Variants in P2RY6 observed in about 807,000 individuals in gnomAD.
P2RY6 encodes P2Y purinoceptor 6.
In P2RY6, 19 loss-of-function variants were observed where a neutral mutation model predicts 16.3. The ratio of observed to expected loss-of-function variants is 1.16; its 90% CI spans 0.81 to 1.71. The LOEUF (loss-of-function observed/expected upper bound fraction) is 1.71. Among genes scored for constraint, P2RY6 ranks in the 40% most tolerant of loss-of-function variants. P2RY6 has a pLI of 0.00. For synonymous variants in P2RY6, 184 were observed against 201.5 expected, an observed-to-expected ratio of 0.91 and a Z score of 0.74; for missense variants, 389 against 455.5, an observed-to-expected ratio of 0.85 and a Z score of 1.33.
At chr11:73,268,970 G>A (rs1863195459), upstream of P2RY6, among the ~76,000 whole-genome samples, 1 of 152,190 alleles carries the variant, frequency 6.6e-6, no homozygotes, top group African/African-American at 2.4e-5. Flanking sequence ...GAAAACCAAG[G>A]TTCAGGAAGG....
intron 1 of P2RY6, among the ~76,000 whole-genome samples, chr11:73,288,364 C>T (rs1864051712): frequency 6.6e-6 from 1 of 152,236 alleles, no homozygotes; most frequent in Admixed American, 6.5e-5. Context: ...GCTGCAGCTT[C>T]CTCTTCCTTT....
chr11:73,292,697 C>T (rs1036803492), intron 1 of P2RY6: 22 of 603,672 alleles, frequency 3.6e-5, no homozygotes, highest in East Asian at 1.4e-4. Flanking sequence ...GCCCAGTTTC[C>T]GCCAGGCACT....
chr11:73,289,866 T>A (rs1335169564), intron 1 of P2RY6, among the ~76,000 whole-genome samples: 1 of 152,154 alleles, frequency 6.6e-6, no homozygotes, highest in South Asian at 2.1e-4. Flanking sequence ...GAGGGAATAA[T>A]CCACCCCCCA....
At chr11:73,289,678 G>A (rs996084475) in intron 1 of P2RY6, among the ~76,000 whole-genome samples, 2 of 152,206 alleles carry the variant, frequency 1.3e-5, no homozygotes, top group Non-Finnish European at 2.9e-5. Context: ...CTCAATGCAG[G>A]GAAGACCTAA....
upstream of P2RY6, chr11:73,271,449 C>T (rs977154180): frequency 6.6e-6 from 1 of 152,226 alleles, no homozygotes; most frequent in Non-Finnish European, 1.5e-5. Context: ...GGGCTCACAG[C>T]TCTAAGGGGG....
In P2RY6 at chr11:73,297,497, G is replaced by T. The variant is rs564797664; in HGVS notation, c.979G>T (p.Gly327Cys). The T allele has an allele frequency of 3.1e-6, 5 of 1,605,974 alleles. No homozygotes were observed. Among genetic ancestry groups the T allele is most frequent in the Non-Finnish European group, 3.4e-6 (4 of 1,174,174 alleles). The change falls in exon 3 of 3, where the codon GGT (glycine) becomes TGT (cysteine). Residue 327 changes from glycine to cysteine, a missense_variant. Coordinates refer to ENST00000540124, the MANE Select transcript of P2RY6 (RefSeq NM_001277204.2). Reference sequence around the variant, plus strand: ...ACTCACAGCCAAATGGCAGAGGCAGGGTCGCTGAGTCCTCCAGGTCCTGGG... The same window carrying T: ...ACTCACAGCCAAATGGCAGAGGCAGTGTCGCTGAGTCCTCCAGGTCCTGGG... Reference protein sequence around the residue: ...QKLTAKWQRQGR With the variant: ...QKLTAKWQRQCR
Position 73,297,749 on chromosome 11 carries a change from G to A in P2RY6, c.*244G>A. On this transcript the variant is annotated 3_prime_UTR_variant, in exon 3 of 3. Transcript: ENST00000540124. ...TTGAGAGGTCCCAGTCAGCCATGGA[G>A]AGCTGGGGAAACCACATTAAGGTGC... 1.8e-6 allele frequency: 1 copy of A among 560,892 alleles called. No homozygotes were observed. The highest frequency in any genetic ancestry group is 3.3e-6 in the Non-Finnish European group (1 of 306,912). 34.7% of individuals were successfully genotyped at this position (560,892 alleles called of 1,614,324 possible). A position where few individuals can be genotyped will look rare whatever the true frequency, so the allele number is the denominator to read the frequency against.
Position 73,296,687 on chromosome 11 carries a change from G to A in P2RY6, c.169G>A (p.Ala57Thr), listed in dbSNP as rs1864500073. ...TACCCAGATCTGCACGTCCCGCCGG[G>A]CCCTGACCCGCACGGCCGTGTACAC... ...VITQICTSRR[A>T]LTRTAVYTLN... Residue 57 changes from alanine (A) to threonine (T), a missense_variant, in exon 3 of 3, where the codon GCC becomes ACC. Transcript: ENST00000540124. 1.9e-6 allele frequency: 3 copies of A among 1,614,028 alleles called. No individual in the cohort carries two copies. The highest frequency in any genetic ancestry group is 2.2e-5 in the South Asian group (2 of 91,094).
At chr11:73,273,431 T>G (rs535164178) in intron 1 of P2RY6, among the ~76,000 whole-genome samples, 1 of 152,290 alleles carries the variant, frequency 6.6e-6, no homozygotes, top group Non-Finnish European at 1.5e-5. Flanking sequence ...CCCCTGGGTG[T>G]GTACGTGAGA....
At chr11:73,268,739 TCTC>T (rs1863186945), upstream of P2RY6, among the ~76,000 whole-genome samples, 1 of 152,154 alleles carries the variant, frequency 6.6e-6, no homozygotes, top group Admixed American at 6.5e-5. Context: ...AGGGACCACA[TCTC>T]CTCCCACGGA....
Position 73,296,748 on chromosome 11 carries a change from G to A in P2RY6, c.230G>A (p.Cys77Tyr), listed in dbSNP as rs1374960478. ...NLALADLLYACSLPLLIYNYA... is the reference protein window; with the variant it reads ...NLALADLLYAYSLPLLIYNYA... Reference sequence around the variant, plus strand: ...GCTCTGGCTGACCTGCTATATGCCTGCTCCCTGCCCCTGCTCATCTACAAC... The same window carrying A: ...GCTCTGGCTGACCTGCTATATGCCTACTCCCTGCCCCTGCTCATCTACAAC... Residue 77 changes from cysteine (C) to tyrosine (Y), a missense_variant, in exon 3 of 3, where the codon TGC becomes TAC. Cys to Tyr is a radical substitution (Grantham distance 194). Transcript: ENST00000540124. 1.2e-6 allele frequency: 2 copies of A among 1,613,324 alleles called. No homozygotes were observed. Among genetic ancestry groups the A allele is most frequent in the East Asian group, 2.2e-5 (1 of 44,884 alleles).
At chr11:73,274,171 T>A (rs1863434093) in intron 1 of P2RY6, among the ~76,000 whole-genome samples, 1 of 152,152 alleles carries the variant, frequency 6.6e-6, no homozygotes, top group Non-Finnish European at 1.5e-5. Context: ...TGAAGGGAAA[T>A]GGCTCTCCCA....
At chr11:73,285,508 A>G (rs969736502) in intron 1 of P2RY6, among the ~76,000 whole-genome samples, 2 of 152,110 alleles carry the variant, frequency 1.3e-5, no homozygotes, top group Non-Finnish European at 2.9e-5. Context: ...ACACCCACAA[A>G]GTCCTCTTCC....
chr11:73,276,633 A>G (rs1368148907), intron 1 of P2RY6, among the ~76,000 whole-genome samples: 1 of 152,242 alleles, frequency 6.6e-6, no homozygotes, highest in Non-Finnish European at 1.5e-5. Flanking sequence ...GTATGATTCA[A>G]TTTGCATAAA....
At chr11:73,286,487 C>T (rs533550960) in intron 1 of P2RY6, among the ~76,000 whole-genome samples, 1 of 151,776 alleles carries the variant, frequency 6.6e-6, no homozygotes, top group East Asian at 1.9e-4. Flanking sequence ...ACTGGGGGAC[C>T]CAAGCAGTCT....
At position 73,295,737 on chromosome 11, in the gene P2RY6, G is replaced by A. The variant is rs745547886; in HGVS notation, c.-113G>A. 1.0e-5 allele frequency: 10 copies of A among 984,304 alleles called. No homozygotes were observed. Among genetic ancestry groups the A allele is most frequent in the Non-Finnish European group, 1.2e-5 (10 of 828,910 alleles). 61.0% of individuals were successfully genotyped at this position (984,304 alleles called of 1,614,324 possible). Reference sequence around the variant, plus strand: ...CCTTCCCCTATTTTACAGATAACAAGACCTCTGCCAGAAGAACCATGGCTT... The same window carrying A: ...CCTTCCCCTATTTTACAGATAACAAAACCTCTGCCAGAAGAACCATGGCTT... On this transcript the variant is annotated 5_prime_UTR_variant, in exon 2 of 3. Coordinates refer to ENST00000540124, the MANE Select transcript of P2RY6 (RefSeq NM_001277204.2).
At chr11:73,287,900 C>T (rs1016730211) in intron 1 of P2RY6, among the ~76,000 whole-genome samples, 8 of 152,168 alleles carry the variant, frequency 5.3e-5, no homozygotes, top group South Asian at 2.1e-4. Flanking sequence ...CACCACAGGC[C>T]GTCCCTCTGC....
intron 1 of P2RY6, among the ~76,000 whole-genome samples, chr11:73,285,968 G>T (rs1292466096): frequency 6.6e-6 from 1 of 152,184 alleles, no homozygotes; most frequent in Non-Finnish European, 1.5e-5. Context: ...CAGATCTTGG[G>T]GCTTGGTGTG....
intron 1 of P2RY6, among the ~76,000 whole-genome samples, chr11:73,273,688 G>A (rs1863413871): frequency 6.6e-6 from 1 of 152,120 alleles, no homozygotes; most frequent in South Asian, 2.1e-4. Context: ...GCTGTCTCTG[G>A]AGACCTGACT....
Sources: gnomAD v4.1 joint callset for allele counts (sites outside exome capture counted in the v4.1 genomes callset) on GRCh38, gnomAD v4.1.1 for gene constraint, MANE v1.5 for transcripts, NCBI Gene and HGNC (gene_info 2026-07-23, HGNC 2026-07-21) for gene names.